Variants in APBB1IP observed in about 807,000 individuals in gnomAD.
APBB1IP encodes amyloid beta A4 precursor protein-binding family B member 1-interacting protein.
Under a neutral mutation model 64.9 loss-of-function variants are expected in APBB1IP, and 27 were observed. The observed-to-expected ratio is 0.42, with a 90% CI of 0.31 to 0.57. APBB1IP has a LOEUF of 0.57. APBB1IP is among the 20% of genes least tolerant of loss of function. The pLI is 0.20. For missense variants in APBB1IP, 812 were observed against 845.5 expected, an observed-to-expected ratio of 0.96 and a Z score of 0.49; for synonymous variants, 392 against 331.0, an observed-to-expected ratio of 1.18 and a Z score of -2.00.
chr10:26,550,095 C>A (rs1015133851), intron 11 of APBB1IP, among the ~76,000 whole-genome samples: 3 of 151,774 alleles, frequency 2.0e-5, no homozygotes, highest in Non-Finnish European at 4.4e-5. Context: ...TCTTGGCCTG[C>A]AAGGTTTCTG....
chr10:26,482,670 G>A (rs1029382791), intron 2 of APBB1IP, among the ~76,000 whole-genome samples: 1 of 151,914 alleles, frequency 6.6e-6, no homozygotes, highest in Non-Finnish European at 1.5e-5. Flanking sequence ...GTTGCCAGAT[G>A]GTTTCTAATT....
chr10:26,513,773 C>G, intron 8 of APBB1IP, 113 bp downstream of exon 8: 2 of 1,338,884 alleles, frequency 1.5e-6, no homozygotes, highest in East Asian at 2.5e-5. Flanking sequence ...GACGGAGTCT[C>G]GAAGGCTGGA....
chr10:26,439,815 A>G (rs547261953), intron 2 of APBB1IP, among the ~76,000 whole-genome samples: 137 of 152,200 alleles, frequency 9.0e-4, no homozygotes, highest in Non-Finnish European at 1.5e-3. Flanking sequence ...AGGTGCCGGT[A>G]CTAGCTACTA....
intron 2 of APBB1IP, among the ~76,000 whole-genome samples, chr10:26,472,993 A>G (rs968977800): frequency 6.6e-6 from 1 of 152,154 alleles, no homozygotes; most frequent in Admixed American, 6.5e-5. Context: ...ATAGAGGTAC[A>G]TATCATTTCT....
intron 11 of APBB1IP, among the ~76,000 whole-genome samples, chr10:26,550,980 G>A (rs1454730372): frequency 2.0e-5 from 3 of 152,216 alleles, no homozygotes; most frequent in African/African-American, 4.8e-5. Context: ...TAACTCTGCC[G>A]AGGATACACT....
intron 9 of APBB1IP, among the ~76,000 whole-genome samples, chr10:26,533,863 A>T (rs1836585115): frequency 6.6e-6 from 1 of 152,052 alleles, no homozygotes; most frequent in East Asian, 1.9e-4. Flanking sequence ...GACCTCTAAG[A>T]TGCTCTCTCA....
intron 14 of APBB1IP, among the ~76,000 whole-genome samples, chr10:26,563,851 T>C (rs1403693300): frequency 6.6e-6 from 1 of 152,126 alleles, no homozygotes; most frequent in Non-Finnish European, 1.5e-5. Context: ...ATGTTCTCAT[T>C]ATCTTCTCAA....
At chr10:26,522,572 CTCCTCT>C (rs1467550170) in intron 8 of APBB1IP, among the ~76,000 whole-genome samples, 1 of 152,112 alleles carries the variant, frequency 6.6e-6, no homozygotes, top group African/African-American at 2.4e-5. Flanking sequence ...CTGTCCCATA[CTCCTCT>C]TCAACTAATT....
chr10:26,515,038 A>ATTTTTT (rs10668002), intron 8 of APBB1IP, among the ~76,000 whole-genome samples: 3 of 133,038 alleles, frequency 2.3e-5, no homozygotes. Context: ...CCCCCGGCTA[A>ATTTTTT]TTTTTTTTTT....
intron 6 of APBB1IP, among the ~76,000 whole-genome samples, chr10:26,505,812 G>C (rs11015136): frequency 0.096 from 14,588 of 151,692 alleles, 932 homozygotes; most frequent in East Asian, 0.23. Flanking sequence ...TCTGCCGAGG[G>C]CCAGACTCTT....
chr10:26,446,556 G>C (rs1230926606), intron 2 of APBB1IP, among the ~76,000 whole-genome samples: 2 of 152,150 alleles, frequency 1.3e-5, no homozygotes, highest in African/African-American at 4.8e-5. Flanking sequence ...CTCAAGGCTG[G>C]GTTTACAGAT....
At chr10:26,547,591 G>A (rs537984674) in intron 11 of APBB1IP, among the ~76,000 whole-genome samples, 11 of 152,122 alleles carry the variant, frequency 7.2e-5, no homozygotes, top group Middle Eastern at 3.4e-3. Context: ...ACAGGAACGC[G>A]CCACCACTCC....
intron 2 of APBB1IP, among the ~76,000 whole-genome samples, chr10:26,485,020 G>A (rs1835874915): frequency 6.6e-6 from 1 of 152,180 alleles, no homozygotes; most frequent in Non-Finnish European, 1.5e-5. Context: ...AAGTTGCATG[G>A]TAGTTATCAG....
At chr10:26,551,421 T>C (rs1451249096) in intron 11 of APBB1IP, among the ~76,000 whole-genome samples, 2 of 152,182 alleles carry the variant, frequency 1.3e-5, no homozygotes, top group Non-Finnish European at 2.9e-5. Context: ...CAACTGCGGT[T>C]TCACTCATTT....
chr10:26,457,177 G>A (rs897483599), intron 2 of APBB1IP, among the ~76,000 whole-genome samples: 8 of 152,160 alleles, frequency 5.3e-5, no homozygotes, highest in African/African-American at 1.9e-4. Context: ...CATTGCAGAT[G>A]TTCATAGCCA....
At chr10:26,490,585 A>T (rs1835943488) in intron 2 of APBB1IP, among the ~76,000 whole-genome samples, 1 of 152,208 alleles carries the variant, frequency 6.6e-6, no homozygotes, top group African/African-American at 2.4e-5. Flanking sequence ...AGATTGCACC[A>T]CTGCACCCCA....
At chr10:26,551,190 A>G (rs1461500308) in intron 11 of APBB1IP, among the ~76,000 whole-genome samples, 1 of 151,534 alleles carries the variant, frequency 6.6e-6, no homozygotes, top group Non-Finnish European at 1.5e-5. Flanking sequence ...TGCTAGCCCC[A>G]CTCCCTCTCT....
In APBB1IP at chr10:26,558,140, A is replaced by AACACACACACACAC. The variant is rs58025187; in HGVS notation, c.1156-1950_1156-1937dup. ...TGGTACCATACCACACACACACACAAACACACACACACACACACACACACA... is the reference window on the plus strand; with the variant it reads ...TGGTACCATACCACACACACACACAAACACACACACACACACACACACACACACACACACACACA... On this transcript the variant is annotated intron_variant, in intron 11 of 14. Transcript: ENST00000376236. Among the ~76,000 whole-genome samples, 186 of 148,988 alleles carry AACACACACACACAC rather than the reference A, an allele frequency of 1.2e-3. 1 individual carries two copies. The highest frequency in any genetic ancestry group is 6.8e-3 in the Middle Eastern group (2 of 292).
intron 2 of APBB1IP, among the ~76,000 whole-genome samples, chr10:26,491,462 T>TCAGGAAACAGAGCAGC (rs1835953645): frequency 6.6e-6 from 1 of 152,164 alleles, no homozygotes; most frequent in Non-Finnish European, 1.5e-5. Context: ...GCCAAAAATG[T>TCAGGAAACAGAGCAGC]CAGGAAACAG....
Sources: gnomAD v4.1 joint callset for allele counts (sites outside exome capture counted in the v4.1 genomes callset) on GRCh38, gnomAD v4.1.1 for gene constraint, MANE v1.5 for transcripts, NCBI Gene and HGNC (gene_info 2026-07-23, HGNC 2026-07-21) for gene names.